The following NBAS variants were observed in gnomAD, a reference collection of about 807,000 sequenced individuals.
The protein encoded by NBAS is NBAS subunit of NRZ tethering complex.
A neutral mutation model predicts 302.5 loss-of-function variants in NBAS; 219 were observed. That is an observed-to-expected ratio of 0.72 (90% CI 0.65 to 0.81). NBAS has a LOEUF of 0.81. Ranked by LOEUF, NBAS falls within the 30% of genes least tolerant of loss-of-function variation. NBAS has a pLI of 0.00. For missense variants in NBAS, 2,932 were observed against 2,841.6 expected (o/e 1.03, Z -0.72); for synonymous variants, 1,118 against 1,021.6 (o/e 1.09, Z -1.80).
chr2:14,977,244 G>T, the NBAS span, among the ~76,000 whole-genome samples: 1 of 152,128 alleles, frequency 6.6e-6, no homozygotes, highest in African/African-American at 2.4e-5. Flanking sequence ...ATCTAGAGAT[G>T]AAACATATGT....
intron 28 of NBAS, chr2:15,393,506 TA>T: frequency 2.8e-6 from 1 of 357,620 alleles, no homozygotes; most frequent in South Asian, 2.3e-5. Context: ...GGTAGGAAAG[TA>T]AAACAGTACA....
chr2:15,561,126 G>T, intron 1 of NBAS, 62 bp downstream of exon 1: 4 of 1,133,488 alleles, frequency 3.5e-6, no homozygotes, highest in Non-Finnish European at 1.2e-6. Flanking sequence ...CTCCTGCTAC[G>T]TGGCTCTACC....
the NBAS span, among the ~76,000 whole-genome samples, chr2:14,807,312 T>C: frequency 6.6e-6 from 1 of 152,240 alleles, no homozygotes; most frequent in Non-Finnish European, 1.5e-5. Flanking sequence ...CTGATTTTCC[T>C]GGGGTTTCTC....
chr2:14,790,618 GGT>G, the NBAS span, among the ~76,000 whole-genome samples: 3 of 151,090 alleles, frequency 2.0e-5, no homozygotes, highest in Non-Finnish European at 2.9e-5. Flanking sequence ...ATCTCATGAA[GGT>G]AGATACTTCT....
the NBAS span, among the ~76,000 whole-genome samples, chr2:14,895,727 G>C: frequency 7.4e-6 from 1 of 135,910 alleles, no homozygotes; most frequent in Non-Finnish European, 1.6e-5. Context: ...GTGACAGAGC[G>C]AGACTCCGTC....
At chr2:15,205,633 A>G (rs1201255850) in intron 48 of NBAS, among the ~76,000 whole-genome samples, 1 of 152,138 alleles carries the variant, frequency 6.6e-6, no homozygotes, top group African/African-American at 2.4e-5. Context: ...GTCCCCACTC[A>G]AATCGCATCT....
At chr2:15,042,717 C>T in the NBAS span, among the ~76,000 whole-genome samples, 471 of 152,264 alleles carry the variant, frequency 3.1e-3, 5 homozygotes, top group African/African-American at 0.011. Flanking sequence ...AGATAGACAC[C>T]CAAAAGAGCC....
intron 23 of NBAS, among the ~76,000 whole-genome samples, chr2:15,420,176 G>C (rs954264020): frequency 6.6e-6 from 1 of 152,138 alleles, no homozygotes; most frequent in African/African-American, 2.4e-5. Flanking sequence ...CCTAGGAGAA[G>C]AGTACAATGA....
chr2:15,145,332 C>A, the NBAS span, among the ~76,000 whole-genome samples: 17 of 151,654 alleles, frequency 1.1e-4, no homozygotes, highest in Admixed American at 7.9e-4. Flanking sequence ...CTTAAAGAAC[C>A]CAAGGATGTT....
rs529572576 is a variant in NBAS, at chr2:15,299,765, A to G, written c.4798-6999T>C. Among the ~76,000 whole-genome samples, 3 of 152,352 alleles carry G rather than the reference A, an allele frequency of 2.0e-5. No homozygotes were observed. In the East Asian group the frequency reaches 5.8e-4, roughly 29 times the overall value. On this transcript the variant is annotated intron_variant, in intron 40 of 51. Transcript: ENST00000281513. ...AAAGGTAAGATATGAGGGAAAAAAAATCAAGATACAGAACAATGTGCACAG... is the reference window on the plus strand; with the variant it reads ...AAAGGTAAGATATGAGGGAAAAAAAGTCAAGATACAGAACAATGTGCACAG...
the NBAS span, among the ~76,000 whole-genome samples, chr2:14,971,620 CTT>C: frequency 6.6e-5 from 10 of 152,320 alleles, no homozygotes; most frequent in East Asian, 1.3e-3. Context: ...TGTTGGCCTT[CTT>C]TCTGGCACCA....
At chr2:15,186,979 A>G in intron 49 of NBAS, 99 bp from the exon 50 acceptor site, 1 of 1,526,262 alleles carries the variant, frequency 6.6e-7, no homozygotes, top group Non-Finnish European at 9.0e-7. Flanking sequence ...GGTAAATTAC[A>G]ATCAGAATCT....
At chr2:15,140,348 G>C in the NBAS span, among the ~76,000 whole-genome samples, 2 of 152,184 alleles carry the variant, frequency 1.3e-5, no homozygotes, top group African/African-American at 2.4e-5. Context: ...TGACCCACAG[G>C]GTCTGTGAGC....
At chr2:15,316,102 AAAAT>A (rs1239822497) in intron 38 of NBAS, among the ~76,000 whole-genome samples, 1 of 152,216 alleles carries the variant, frequency 6.6e-6, no homozygotes, top group African/African-American at 2.4e-5. Flanking sequence ...TTAAACATAA[AAAAT>A]AAATAAATAA....
At chr2:15,496,193 T>G (rs1041292983) in intron 11 of NBAS, among the ~76,000 whole-genome samples, 5 of 151,992 alleles carry the variant, frequency 3.3e-5, no homozygotes, top group African/African-American at 1.2e-4. Context: ...TGGGTGAACC[T>G]TGAAAGCATC....
chr2:15,399,626 A>G (rs758232085), intron 26 of NBAS, among the ~76,000 whole-genome samples: 50 of 152,174 alleles, frequency 3.3e-4, no homozygotes, highest in Non-Finnish European at 1.6e-4. Flanking sequence ...CCCTACATGA[A>G]GAAGGAAGGA....
the NBAS span, among the ~76,000 whole-genome samples, chr2:14,990,420 T>C: frequency 6.8e-6 from 1 of 147,562 alleles, no homozygotes; most frequent in African/African-American, 2.6e-5. Flanking sequence ...TGAGACTCCA[T>C]CTCAAAAAAA....
At chr2:15,105,979 C>T in the NBAS span, among the ~76,000 whole-genome samples, 2 of 152,192 alleles carry the variant, frequency 1.3e-5, no homozygotes, top group East Asian at 1.9e-4. Context: ...ACTTGAACAA[C>T]GGGATAGCTA....
At chr2:15,214,735 T>TCC (rs1263408226) in intron 48 of NBAS, among the ~76,000 whole-genome samples, 2 of 152,222 alleles carry the variant, frequency 1.3e-5, no homozygotes, top group Non-Finnish European at 2.9e-5. Flanking sequence ...TTGTGGCTGT[T>TCC]CTCTGAGCTC....
Sources: gnomAD v4.1 joint callset for allele counts (sites outside exome capture counted in the v4.1 genomes callset) on GRCh38, gnomAD v4.1.1 for gene constraint, MANE v1.5 for transcripts, NCBI Gene and HGNC (gene_info 2026-07-23, HGNC 2026-07-21) for gene names.